MSH3: variants seen among roughly 807,000 people sequenced by gnomAD.
MSH3 encodes DNA mismatch repair protein Msh3.
MSH3 carries 106 observed loss-of-function variants against 123.3 expected under a neutral mutation model. The ratio of observed to expected loss-of-function variants is 0.86; its 90% confidence interval spans 0.73 to 1.01. MSH3 has a LOEUF of 1.01. MSH3 is among the 50% of genes least tolerant of loss of function. The probability of loss-of-function intolerance (pLI) is 0.00; values close to 1 mark genes in which losing one functional copy is unlikely to be tolerated. For missense variants in MSH3, 1,459 were observed against 1,347.6 expected, an observed-to-expected ratio of 1.08 and a Z score of -1.29; for synonymous variants, 515 against 481.4, an observed-to-expected ratio of 1.07 and a Z score of -0.91.
chr5:80,660,193 C>CTT (rs1231976014), intron 2 of MSH3, among the ~76,000 whole-genome samples: 4 of 141,092 alleles, frequency 2.8e-5, no homozygotes, highest in African/African-American at 2.6e-5. Flanking sequence ...AAAGGCACTT[C>CTT]TTTTTTTTTT....
chr5:80,800,191 T>G (rs1467198860), intron 19 of MSH3, among the ~76,000 whole-genome samples: 5 of 152,248 alleles, frequency 3.3e-5, no homozygotes, highest in Non-Finnish European at 7.3e-5. Flanking sequence ...CCTCTCTAGT[T>G]GTTATCCAGC....
At chr5:80,814,967 T>A (rs1745075829) in intron 20 of MSH3, among the ~76,000 whole-genome samples, 1 of 152,232 alleles carries the variant, frequency 6.6e-6, no homozygotes, top group South Asian at 2.1e-4. Context: ...ATTTCTTACA[T>A]GTACATTTCT....
intron 8 of MSH3, among the ~76,000 whole-genome samples, chr5:80,707,795 C>T (rs1750757099): frequency 6.6e-6 from 1 of 152,190 alleles, no homozygotes; most frequent in African/African-American, 2.4e-5. Context: ...ATTTACCCTC[C>T]TCTCAGCAGT....
At chr5:80,750,594 T>C (rs191550593) in intron 12 of MSH3, among the ~76,000 whole-genome samples, 1 of 152,284 alleles carries the variant, frequency 6.6e-6, no homozygotes, top group East Asian at 1.9e-4. Flanking sequence ...TGTTATTGAG[T>C]AGTTTGAGTT....
chr5:80,759,178 T>C (rs1235087012), intron 12 of MSH3, among the ~76,000 whole-genome samples: 1 of 152,214 alleles, frequency 6.6e-6, no homozygotes, highest in Non-Finnish European at 1.5e-5. Flanking sequence ...AAATGACCCC[T>C]GTGTTCACTG....
intron 18 of MSH3, among the ~76,000 whole-genome samples, chr5:80,788,816 AAG>A (rs1221394851): frequency 6.6e-6 from 1 of 152,084 alleles, no homozygotes; most frequent in African/African-American, 2.4e-5. Flanking sequence ...AAAAAAAAAA[AAG>A]AGAGATAGAA....
At chr5:80,809,700 T>C (rs1744972735) in intron 19 of MSH3, among the ~76,000 whole-genome samples, 1 of 152,168 alleles carries the variant, frequency 6.6e-6, no homozygotes, top group Admixed American at 6.6e-5. Flanking sequence ...ATTCTTACAT[T>C]ACATTCTCTC....
rs532640006 is a variant in MSH3, at chr5:80,819,999, C to T, written c.2813+6258C>T. The stretch of plus-strand genomic sequence containing the variant: ...GCAAATCTTTACAATTCGGTAAGAC[C>T]ATGCAATGCTAGAGAAGTGTATGTG... On this transcript the variant is annotated intron_variant, in intron 20 of 23. Coordinates refer to ENST00000265081, the MANE Select transcript of MSH3 (RefSeq NM_002439.5). 3.3e-5 allele frequency among the ~76,000 whole-genome samples: 5 copies of T among 152,242 alleles called. No homozygotes were observed. In the South Asian group the frequency reaches 1.0e-3, roughly 32 times the overall value.
intron 3 of MSH3, among the ~76,000 whole-genome samples, chr5:80,667,102 G>A (rs1344374750): frequency 1.3e-5 from 2 of 152,062 alleles, no homozygotes; most frequent in South Asian, 2.1e-4. Flanking sequence ...TTAAAAAAAA[G>A]TTGCTTAATA....
chr5:80,788,955 A>C (rs1269002543), intron 18 of MSH3, among the ~76,000 whole-genome samples: 1 of 152,090 alleles, frequency 6.6e-6, no homozygotes, highest in Non-Finnish European at 1.5e-5. Flanking sequence ...TGCGTGTTCT[A>C]TCCTAGTGTA....
chr5:80,674,972 A>T lies in MSH3; in HGVS notation c.1028-11A>T, dbSNP rs1393166444. 1 of 1,562,476 alleles carries T rather than the reference A, an allele frequency of 6.4e-7. No individual in the cohort carries two copies. Among genetic ancestry groups the T allele is most frequent in the Non-Finnish European group, 8.7e-7 (1 of 1,143,088 alleles). On this transcript the variant is annotated splice_polypyrimidine_tract_variant and intron_variant, in intron 6 of 23. Transcript: ENST00000265081. ...TTTAGCATATAATTATTTTTCTTTA[A>T]TTATTATTAAATGTGAATCCCCTAA...
intron 19 of MSH3, among the ~76,000 whole-genome samples, chr5:80,797,320 G>A (rs922935156): frequency 6.6e-5 from 10 of 152,144 alleles, no homozygotes; most frequent in African/African-American, 1.7e-4. Flanking sequence ...TGTCACCTAT[G>A]TGTAATCCCA....
chr5:80,873,242 C>T lies in MSH3; in HGVS notation c.3257C>T (p.Ala1086Val), dbSNP rs1474200311. 1 of 1,613,906 alleles carries T rather than the reference C, an allele frequency of 6.2e-7. No homozygotes were observed. The highest frequency in any genetic ancestry group is 8.5e-7 in the Non-Finnish European group (1 of 1,179,908). Residue 1086 changes from alanine (A) to valine (V), a missense_variant, in exon 23 of 24, where the codon GCA (alanine) becomes GTA (valine). Ala to Val is a moderately conservative substitution (Grantham distance 64, BLOSUM62 0). Coordinates refer to ENST00000265081, the MANE Select transcript of MSH3 (RefSeq NM_002439.5). ...GTTCCTGGAGAAATTTTGAAGAAAG[C>T]AGCTCACAAGTCAAAAGAGCTGGAA... is the stretch of plus-strand genomic sequence containing the variant. ...ADVPGEILKK[A>V]AHKSKELEGL...
intron 17 of MSH3, among the ~76,000 whole-genome samples, chr5:80,780,816 C>T (rs963142990): frequency 1.3e-5 from 2 of 152,054 alleles, no homozygotes; most frequent in East Asian, 1.9e-4. Flanking sequence ...TGCAGTGAGC[C>T]GAGATTGCGC....
chr5:80,817,562 A>G (rs1745127933), intron 20 of MSH3, among the ~76,000 whole-genome samples: 1 of 152,200 alleles, frequency 6.6e-6, no homozygotes, highest in South Asian at 2.1e-4. Context: ...TATTATTCTA[A>G]AAATAAATAA....
intron 20 of MSH3, among the ~76,000 whole-genome samples, chr5:80,841,281 T>G (rs1003088722): frequency 4.6e-5 from 7 of 152,206 alleles, no homozygotes; most frequent in Non-Finnish European, 1.0e-4. Context: ...ATATGTGCCA[T>G]ATTTTCTTAA....
chr5:80,832,053 T>A (rs915752637), intron 20 of MSH3, among the ~76,000 whole-genome samples: 2 of 151,900 alleles, frequency 1.3e-5, no homozygotes, highest in Non-Finnish European at 1.5e-5. Context: ...GAGCTTGCAG[T>A]GAGCTGAGAT....
chr5:80,741,284 A>G (rs1057174698), intron 10 of MSH3, among the ~76,000 whole-genome samples, 180 bp from the exon 11 acceptor site: 2 of 152,010 alleles, frequency 1.3e-5, no homozygotes, highest in African/African-American at 4.8e-5. Context: ...TCTACTTAAC[A>G]GCACCAGCGT....
chr5:80,870,030 C>G (rs900058810), intron 22 of MSH3, among the ~76,000 whole-genome samples: 2 of 150,822 alleles, frequency 1.3e-5, no homozygotes, highest in African/African-American at 2.4e-5. Flanking sequence ...AAAAAGTAGC[C>G]GGGCATGGTG....
Sources: gnomAD v4.1 joint callset for allele counts (sites outside exome capture counted in the v4.1 genomes callset) on GRCh38, gnomAD v4.1.1 for gene constraint, MANE v1.5 for transcripts, NCBI Gene and HGNC (gene_info 2026-07-23, HGNC 2026-07-21) for gene names.